SMYD4: variants seen among roughly 807,000 people sequenced by gnomAD.
The protein encoded by SMYD4 is SET and MYND domain containing 4.
A neutral mutation model predicts 72.8 loss-of-function variants in SMYD4; 68 were observed. That is an observed-to-expected ratio of 0.93 (90% CI 0.77 to 1.14). SMYD4 has a LOEUF of 1.14. Among genes scored for constraint, SMYD4 ranks in the 50% most tolerant of loss-of-function variants. The pLI is 0.00. For synonymous variants in SMYD4, 407 were observed against 388.6 expected, an observed-to-expected ratio of 1.05 and a Z score of -0.56; for missense variants, 984 against 1,003.7, an observed-to-expected ratio of 0.98 and a Z score of 0.27.
chr17:1,827,161 T>A (rs541482644), intron 2 of SMYD4, among the ~76,000 whole-genome samples: 301 of 148,244 alleles, frequency 2.0e-3, no homozygotes, highest in African/African-American at 5.2e-3. Context: ...TCAAAAAAAA[T>A]AAAATAAAAT....
intron 5 of SMYD4, among the ~76,000 whole-genome samples, chr17:1,794,196 G>T (rs1210712169): frequency 8.5e-6 from 1 of 118,030 alleles, no homozygotes; most frequent in African/African-American, 3.3e-5. Flanking sequence ...TGCAACCTCC[G>T]CCTCCCAGGT....
intron 10 of SMYD4, chr17:1,781,730 C>T (rs528750710): frequency 7.6e-5 from 15 of 198,092 alleles, no homozygotes; most frequent in Admixed American, 4.4e-4. Flanking sequence ...GGTATTTGTG[C>T]GACCTCGGCT....
At chr17:1,781,632 G>GT in intron 10 of SMYD4, 193 bp from the exon 11 acceptor site, 2 of 446,568 alleles carry the variant, frequency 4.5e-6, no homozygotes, top group Non-Finnish European at 7.5e-6. Context: ...ATAAAAGATA[G>GT]TATAGACGCC....
chr17:1,792,640 C>CA (rs1173465310), intron 5 of SMYD4, among the ~76,000 whole-genome samples: 2 of 151,578 alleles, frequency 1.3e-5, no homozygotes, highest in East Asian at 3.9e-4. Context: ...GGCCCTGTCT[C>CA]AAAAAACAAA....
chr17:1,809,708 C>T (rs569932330), intron 3 of SMYD4, among the ~76,000 whole-genome samples: 22 of 146,574 alleles, frequency 1.5e-4, no homozygotes, highest in African/African-American at 5.6e-4. Flanking sequence ...CTCGCTCTGT[C>T]GCCCAGGCTG....
At chr17:1,799,361 C>T (rs1192683628) in intron 5 of SMYD4, among the ~76,000 whole-genome samples, 4 of 151,686 alleles carry the variant, frequency 2.6e-5, no homozygotes, top group East Asian at 1.9e-4. Flanking sequence ...TGAGGCAGAA[C>T]GGAATCAAAT....
intron 5 of SMYD4, among the ~76,000 whole-genome samples, chr17:1,788,097 C>A (rs919247444): frequency 6.6e-6 from 1 of 152,138 alleles, no homozygotes; most frequent in Non-Finnish European, 1.5e-5. Context: ...AGGGCTCCTG[C>A]CTGAAATCCC....
chr17:1,812,113 G>C lies in SMYD4; in HGVS notation c.137C>G (p.Pro46Arg). ...IFLHSSSLLQ[P>R]EDELFLKRLS... ...TCTTTTTAGAAACAGCTCATCCTCA[G>C]GTCTGCATGAAGAAAGGAGGAAACA... Residue 46 changes from proline (P) to arginine (R), a missense_variant and splice_region_variant, in exon 3 of 11, where the codon CCT (proline) becomes CGT (arginine). By Grantham distance (103) the Pro-to-Arg change is moderately radical. Coordinates refer to ENST00000305513, the MANE Select transcript of SMYD4 (RefSeq NM_052928.3). The C allele has an allele frequency of 6.2e-7, 1 of 1,611,966 alleles. No homozygotes were observed. The highest frequency in any genetic ancestry group is 8.5e-7 in the Non-Finnish European group (1 of 1,179,526).
In SMYD4 at chr17:1,800,325, A is replaced by C; in HGVS notation, c.1069T>G (p.Leu357Val). The C allele has an allele frequency of 6.2e-7, 1 of 1,614,112 alleles. No homozygotes were observed. Residue 357 changes from leucine to valine, a missense_variant, in exon 5 of 11, where the codon TTG (leucine) becomes GTG (valine). By Grantham distance (32) the Leu-to-Val change is conservative. Coordinates refer to ENST00000305513, the MANE Select transcript of SMYD4 (RefSeq NM_052928.3). Reference sequence around the variant, plus strand: ...TTGCGAACATCCTCAAATCCCACCAAAAGAGTCAACCTCAGGGCAATGTGG... The same window carrying C: ...TTGCGAACATCCTCAAATCCCACCACAAGAGTCAACCTCAGGGCAATGTGG... ...FCHIALRLTL[L>V]VGFEDVRKII... is the part of the protein sequence containing the mutation.
At chr17:1,789,720 G>C (rs1164337729) in intron 5 of SMYD4, among the ~76,000 whole-genome samples, 1 of 127,436 alleles carries the variant, frequency 7.8e-6, no homozygotes, top group East Asian at 2.4e-4. Flanking sequence ...AGCCGAGATC[G>C]CACCACTGCA....
chr17:1,811,876 G>A, intron 3 of SMYD4, 95 bp downstream of exon 3: 1 of 1,382,504 alleles, frequency 7.2e-7, no homozygotes, highest in Non-Finnish European at 9.8e-7. Flanking sequence ...GCAGTGAGCT[G>A]AGATTATACC....
chr17:1,817,253 G>A (rs1293382775), intron 2 of SMYD4, among the ~76,000 whole-genome samples: 1 of 152,084 alleles, frequency 6.6e-6, no homozygotes, highest in Non-Finnish European at 1.5e-5. Flanking sequence ...GGCCAGGCTG[G>A]TCTCAAACTC....
chr17:1,798,600 T>A (rs1409183870), intron 5 of SMYD4, among the ~76,000 whole-genome samples: 1 of 151,750 alleles, frequency 6.6e-6, no homozygotes, highest in Non-Finnish European at 1.5e-5. Context: ...TCATCTCTAT[T>A]AAAAAAATTT....
intron 10 of SMYD4, 48 bp downstream of exon 10, chr17:1,782,987 C>A: frequency 1.3e-6 from 2 of 1,574,308 alleles, no homozygotes; most frequent in Non-Finnish European, 8.6e-7. Flanking sequence ...CCCAGAAGAG[C>A]CTAGGAAAGG....
rs778939681 is a variant in SMYD4 at position 1,799,865 on chromosome 17, T to TGTATGGTG, written c.1521_1528dup (p.Gln510ProfsTer32). 1.9e-6 allele frequency: 3 copies of TGTATGGTG among 1,594,212 alleles called. No individual in the cohort carries two copies. Among genetic ancestry groups the TGTATGGTG allele is most frequent in the Non-Finnish European group, 2.6e-6 (3 of 1,167,488 alleles). On this transcript the variant is annotated frameshift_variant, in exon 5 of 11. Coordinates refer to ENST00000305513, the MANE Select transcript of SMYD4 (RefSeq NM_052928.3). LOFTEE classifies it high-confidence loss of function. ...ATCAGGTTCCCTCTTACCTGTGTGT[T>TGTATGGTG]GTATGGTGGTCATCGCCTGAGCGTT... is the stretch of plus-strand genomic sequence containing the variant.
At chr17:1,815,657 TAAA>T (rs75794837) in intron 2 of SMYD4, among the ~76,000 whole-genome samples, 9 of 136,744 alleles carry the variant, frequency 6.6e-5, no homozygotes, top group African/African-American at 1.1e-4. Flanking sequence ...GACCCTGCCT[TAAA>T]AAAAAAAAAA....
Position 1,800,766 on chromosome 17 carries a change from C to T in SMYD4, c.628G>A (p.Ala210Thr). 1 of 1,614,206 alleles carries T rather than the reference C, an allele frequency of 6.2e-7. No individual in the cohort carries two copies. Among genetic ancestry groups the T allele is most frequent in the African/African-American group, 1.3e-5 (1 of 75,052 alleles). ...TCCTCAAGGGTTTTGGCCAGAGCTG[C>T]TGGGAAGCTTTCTGTGAGACTGTCC... ...EKDSLTESFP[A>T]ALAKTLEDAA... The change falls in exon 5 of 11, where the codon GCA becomes ACA. Residue 210 changes from alanine to threonine, a missense_variant. Coordinates refer to ENST00000305513, the MANE Select transcript of SMYD4 (RefSeq NM_052928.3).
In SMYD4 at chr17:1,800,935, C is replaced by A. The variant is rs1909712199; in HGVS notation, c.459G>T (p.Leu153=). ...CCTCCTGCAGTCTCCCCAGGGCCAC[C>A]AGACATTCTGCTTTACGTAACATAA... ...PKIMLRKAEC[L]VALGRLQEAS... Residue 153 remains leucine, a synonymous_variant, in exon 5 of 11, where the codon CTG becomes CTT. Transcript: ENST00000305513. 2.5e-6 allele frequency: 4 copies of A among 1,614,060 alleles called. No individual in the cohort carries two copies. Among genetic ancestry groups the A allele is most frequent in the Non-Finnish European group, 3.4e-6 (4 of 1,180,046 alleles).
intron 4 of SMYD4, 163 bp downstream of exon 4, chr17:1,804,463 C>A (rs535043050): frequency 3.4e-6 from 2 of 580,156 alleles, no homozygotes; most frequent in South Asian, 1.9e-5. Flanking sequence ...AGGCAATGAG[C>A]GCCCAGTCCG....
Sources: gnomAD v4.1 joint callset for allele counts (sites outside exome capture counted in the v4.1 genomes callset) on GRCh38, gnomAD v4.1.1 for gene constraint, MANE v1.5 for transcripts, NCBI Gene and HGNC (gene_info 2026-07-23, HGNC 2026-07-21) for gene names.